The following TIAL1 variants were observed in gnomAD, a reference collection of about 807,000 sequenced individuals.
The protein encoded by TIAL1 is nucleolysin TIAR.
Under a neutral mutation model 59.7 loss-of-function variants are expected in TIAL1, and 7 were observed. That is an observed-to-expected ratio of 0.12 (90% CI 0.07 to 0.22). The LOEUF (loss-of-function observed/expected upper bound fraction) is 0.22. TIAL1 is among the 10% of genes least tolerant of loss of function. TIAL1 has a pLI of 1.00. For synonymous variants in TIAL1, 149 were observed against 146.3 expected, an observed-to-expected ratio of 1.02 and a Z score of -0.13; for missense variants, 225 against 462.5, an observed-to-expected ratio of 0.49 and a Z score of 4.71.
intron 1 of TIAL1, 83 bp downstream of exon 1, chr10:119,596,351 C>T (rs1846189476): frequency 2.6e-6 from 4 of 1,523,822 alleles, no homozygotes; most frequent in Admixed American, 1.7e-5. Flanking sequence ...CCGGCTTCGG[C>T]CCAGTCTCTC....
intron 1 of TIAL1, among the ~76,000 whole-genome samples, chr10:119,592,517 T>C (rs12252751): frequency 0.048 from 7,292 of 152,216 alleles, 186 homozygotes; most frequent in Middle Eastern, 0.082. Flanking sequence ...CTGAAAAGAG[T>C]AGCCCTACCA....
At position 119,579,291 on chromosome 10, in the gene TIAL1, T is replaced by A. The variant is rs141949232; in HGVS notation, c.448-457A>T. Among the ~76,000 whole-genome samples, 103 of 152,220 alleles carry A rather than the reference T, an allele frequency of 6.8e-4. No homozygotes were observed. The East Asian group carries it at 0.019, about 29-fold the overall frequency. On this transcript the variant is annotated intron_variant, in intron 6 of 11. Transcript: ENST00000436547. ...AGGTGGAGGTTGCAGTGGGCTGAGA[T>A]GGCACCACTGGACTCCAGCCTGGGC...
intron 5 of TIAL1, chr10:119,580,962 AT>A: frequency 5.8e-6 from 2 of 342,124 alleles, no homozygotes; most frequent in Admixed American, 5.7e-5. Flanking sequence ...TTTTATATTG[AT>A]TTTTAAAATA....
intron 1 of TIAL1, among the ~76,000 whole-genome samples, chr10:119,595,412 C>T (rs1322982386): frequency 7.1e-6 from 1 of 139,928 alleles, no homozygotes; most frequent in African/African-American, 2.7e-5. Flanking sequence ...CCAATTTAAA[C>T]ATTTAATTAA....
intron 2 of TIAL1, among the ~76,000 whole-genome samples, chr10:119,587,733 GGTAA>G (rs1845641012): frequency 6.6e-6 from 1 of 152,022 alleles, no homozygotes; most frequent in Non-Finnish European, 1.5e-5. Context: ...AGTATAAAAA[GGTAA>G]GTATTTGCTA....
At chr10:119,584,696 G>A (rs1416868009) in intron 2 of TIAL1, among the ~76,000 whole-genome samples, 1 of 152,168 alleles carries the variant, frequency 6.6e-6, no homozygotes, top group Admixed American at 6.5e-5. Context: ...GGGTGTGGTG[G>A]CGGGCGCCTG....
intron 1 of TIAL1, chr10:119,593,555 A>G: frequency 1.1e-6 from 1 of 927,760 alleles, no homozygotes; most frequent in Non-Finnish European, 1.3e-6. Flanking sequence ...AGGCATCTTA[A>G]GGAAACAATT....
At chr10:119,586,728 G>A (rs1290813766) in intron 2 of TIAL1, among the ~76,000 whole-genome samples, 9 of 152,076 alleles carry the variant, frequency 5.9e-5, no homozygotes, top group Admixed American at 5.2e-4. Context: ...TCTAGCCATC[G>A]GTCTTTGATT....
At chr10:119,578,577 G>T in intron 7 of TIAL1, 149 bp downstream of exon 7, 1 of 665,492 alleles carries the variant, frequency 1.5e-6, no homozygotes, top group Non-Finnish European at 2.6e-6. Context: ...GCTACAGTGA[G>T]CTAAGATCAT....
intron 2 of TIAL1, among the ~76,000 whole-genome samples, chr10:119,586,141 C>G (rs1004107619): frequency 1.3e-5 from 2 of 152,184 alleles, no homozygotes; most frequent in Non-Finnish European, 2.9e-5. Context: ...ACTGCCTAAT[C>G]TAACGTCCAC....
At position 119,576,742 on chromosome 10, in the gene TIAL1, A is replaced by G; in HGVS notation, c.870T>C (p.Tyr290=). 6.2e-7 allele frequency: 1 copy of G among 1,613,444 alleles called. No individual in the cohort carries two copies. Among genetic ancestry groups the G allele is most frequent in the Non-Finnish European group, 8.5e-7 (1 of 1,179,870 alleles). The change falls in exon 11 of 12, where the codon TAT becomes TAC. Residue 290 remains tyrosine, a synonymous_variant. Transcript: ENST00000436547. Reference sequence around the variant, plus strand: ...CTTGGCTCCATTGGCCCCATTGACTATAGTCAACCTAGGAAAAAGCAAAGT... The same window carrying G: ...CTTGGCTCCATTGGCCCCATTGACTGTAGTCAACCTAGGAAAAAGCAAAGT... ...DMTKNFQQVD[Y]SQWGQWSQVY... is the part of the protein sequence containing the mutation.
intron 6 of TIAL1, 74 bp from the exon 7 acceptor site, chr10:119,578,908 T>C: frequency 8.8e-7 from 1 of 1,137,992 alleles, no homozygotes; most frequent in African/African-American, 1.5e-5. Context: ...AAATAAAATA[T>C]CGGCGCTGCT....
chr10:119,585,660 T>C (rs867889365), intron 2 of TIAL1, among the ~76,000 whole-genome samples: 2 of 152,144 alleles, frequency 1.3e-5, no homozygotes, highest in African/African-American at 2.4e-5. Flanking sequence ...TAAAAAATAG[T>C]TAAAATAAAT....
At chr10:119,580,872 C>T (rs1352230462) in intron 5 of TIAL1, 3 of 1,213,376 alleles carry the variant, frequency 2.5e-6, no homozygotes, top group Non-Finnish European at 3.2e-6. Flanking sequence ...AATGCTATTA[C>T]TTTTAATTGT....
At chr10:119,588,394 A>G in intron 1 of TIAL1, 146 bp from the exon 2 acceptor site, 1 of 472,620 alleles carries the variant, frequency 2.1e-6, no homozygotes, top group South Asian at 3.8e-5. Flanking sequence ...CCCAGGCTGG[A>G]GTGCAATGGC....
intron 1 of TIAL1, among the ~76,000 whole-genome samples, chr10:119,590,013 A>G (rs868313666): frequency 8.5e-5 from 13 of 152,242 alleles, no homozygotes; most frequent in Non-Finnish European, 1.2e-4. Context: ...TTAAGATGGA[A>G]TACTCAAAGG....
At chr10:119,579,791 C>T in intron 6 of TIAL1, 144 bp downstream of exon 6, 1 of 561,152 alleles carries the variant, frequency 1.8e-6, no homozygotes, top group South Asian at 3.0e-5. Flanking sequence ...AAATTATACT[C>T]TATTATTAAA....
intron 2 of TIAL1, among the ~76,000 whole-genome samples, chr10:119,585,109 C>G (rs1269498236): frequency 1.5e-5 from 1 of 64,600 alleles, no homozygotes; most frequent in East Asian, 4.4e-4. Context: ...GGCAAAAGAG[C>G]AAGATTCCAT....
At position 119,574,602 on chromosome 10, in the gene TIAL1, AAAAAACAAAAAC is replaced by A. The variant is rs1244323582; in HGVS notation, c.*1051_*1062del. On this transcript the variant is annotated 3_prime_UTR_variant, in exon 12 of 12. Transcript: ENST00000436547. The stretch of plus-strand genomic sequence containing the variant: ...AATGTAAAGCAAAAAAAAAAAAAAA[AAAAAACAAAAAC>A]AAAAAACTAATTCCCAATGACATTT... 2.7e-5 allele frequency: 4 copies of A among 148,384 alleles called. No individual in the cohort carries two copies. The East Asian group carries it at 5.9e-4, about 22-fold the overall frequency. 9.2% of individuals were successfully genotyped at this position (148,384 alleles called of 1,614,324 possible).
Sources: gnomAD v4.1 joint callset for allele counts (sites outside exome capture counted in the v4.1 genomes callset) on GRCh38, gnomAD v4.1.1 for gene constraint, MANE v1.5 for transcripts, NCBI Gene and HGNC (gene_info 2026-07-23, HGNC 2026-07-21) for gene names.